The following ARID1B variants were observed in gnomAD, a reference collection of about 807,000 sequenced individuals.
ARID1B encodes the protein AT-rich interaction domain 1B.
ARID1B carries 30 observed loss-of-function variants against 212.3 expected under a neutral mutation model. The observed-to-expected ratio is 0.14, with a 90% CI of 0.11 to 0.19. The LOEUF is 0.19. ARID1B is among the 10% of genes least tolerant of loss of function. The pLI is 1.00. For synonymous variants in ARID1B, 1,402 were observed against 1,301.7 expected (o/e 1.08, Z -1.66); for missense variants, 2,891 against 3,204.0 (o/e 0.90, Z 2.36).
intron 2 of ARID1B, among the ~76,000 whole-genome samples, chr6:156,894,713 A>G (rs1208214603): frequency 6.6e-6 from 1 of 152,234 alleles, no homozygotes; most frequent in Non-Finnish European, 1.5e-5. Flanking sequence ...AGCTATTCAG[A>G]GACACCAGGT....
chr6:156,977,985 GA>G (rs1424980184), intron 4 of ARID1B, among the ~76,000 whole-genome samples: 2 of 152,084 alleles, frequency 1.3e-5, no homozygotes, highest in African/African-American at 4.8e-5. Flanking sequence ...GTGGGAGCAG[GA>G]ACTCTTCTGT....
rs372781930 is a variant in ARID1B, at chr6:156,901,463, C to T, written c.2074C>T (p.His692Tyr). 4 of 1,614,032 alleles carry T rather than the reference C, an allele frequency of 2.5e-6. No individual in the cohort carries two copies. The highest frequency in any genetic ancestry group is 3.4e-6 in the Non-Finnish European group (4 of 1,180,050). The change falls in exon 3 of 20, where the codon CAC becomes TAC. Residue 692 changes from histidine (H) to tyrosine (Y), a missense_variant. Around this residue, in one of 7 missense-constraint regions of ARID1B, gnomAD observed 1,643 missense variants for 1,544.0 expected, o/e 1.06. Transcript: ENST00000636930. ...PYYSQQPQPP[H>Y]LPPQAQYLPS... is the part of the protein sequence containing the mutation. Reference sequence around the variant, plus strand: ...TTACAGCCAGCAGCCGCAGCCCCCGCACCTCCCACCCCAGGCGCAGTATCT... The same window carrying T: ...TTACAGCCAGCAGCCGCAGCCCCCGTACCTCCCACCCCAGGCGCAGTATCT...
At chr6:156,824,624 G>A (rs1316469407) in intron 1 of ARID1B, among the ~76,000 whole-genome samples, 1 of 152,066 alleles carries the variant, frequency 6.6e-6, no homozygotes, top group Non-Finnish European at 1.5e-5. Context: ...AATAAGCTGG[G>A]TGTGGTGGTA....
At chr6:156,890,726 C>T (rs527779929) in intron 2 of ARID1B, among the ~76,000 whole-genome samples, 7 of 152,276 alleles carry the variant, frequency 4.6e-5, no homozygotes, top group Admixed American at 6.5e-5. Context: ...TTTCTCATCC[C>T]GGGTCATCTT....
intron 4 of ARID1B, among the ~76,000 whole-genome samples, chr6:156,944,057 T>G (rs1208724920): frequency 6.6e-6 from 1 of 152,216 alleles, no homozygotes; most frequent in East Asian, 1.9e-4. Context: ...AGCTTCTGTT[T>G]CTTTGAAAAA....
chr6:156,930,208 C>T (rs750782925), intron 3 of ARID1B, among the ~76,000 whole-genome samples: 1 of 152,110 alleles, frequency 6.6e-6, no homozygotes, highest in African/African-American at 2.4e-5. Context: ...ATCATGGGGG[C>T]GGTTTCTCTT....
At chr6:157,085,831 C>T (rs990873351) in intron 5 of ARID1B, among the ~76,000 whole-genome samples, 4 of 152,136 alleles carry the variant, frequency 2.6e-5, no homozygotes, top group African/African-American at 7.2e-5. Flanking sequence ...ATTCACCATC[C>T]GGTTTAAGAA....
chr6:156,839,724 G>C lies in ARID1B; in HGVS notation c.1986+10303G>C, dbSNP rs374403368. Among the ~76,000 whole-genome samples, 25 of 152,316 alleles carry C rather than the reference G, an allele frequency of 1.6e-4. No homozygotes were observed. In the East Asian group the frequency reaches 2.7e-3, roughly 16 times the overall value. ...CACTTCCAGGAATGGCGGTTAAGGG[G>C]TGCTTCACTGCACATACGCAGCAGG... On this transcript the variant is annotated intron_variant, in intron 2 of 19. Transcript: ENST00000636930.
At position 156,779,236 on chromosome 6, in the gene ARID1B, G is replaced by T; in HGVS notation, c.1556G>T (p.Ser519Ile). Residue 519 changes from serine (S) to isoleucine (I), a missense_variant, in exon 1 of 20, where the codon AGC (serine) becomes ATC (isoleucine). By Grantham distance (142) the Ser-to-Ile change is moderately radical. Coordinates refer to ENST00000636930, the MANE Select transcript of ARID1B (RefSeq NM_001374828.1). ...CCCATGATGCGGAGCTACGGCGGCA[G>T]CTACCCCGAGTACAGCAGCCCCAGC... ...PSPMMRSYGG[S>I]YPEYSSPSAP... 8.1e-7 allele frequency: 1 copy of T among 1,231,380 alleles called. No homozygotes were observed. The highest frequency in any genetic ancestry group is 3.1e-5 in the Admixed American group (1 of 31,934). The allele number at this position is 1,231,380 out of a possible 1,614,324, so 76.3% of individuals were successfully genotyped here. A position where few individuals can be genotyped will look rare whatever the true frequency, so the allele number is the denominator to read the frequency against.
chr6:156,781,675 T>C (rs933427759), intron 1 of ARID1B, among the ~76,000 whole-genome samples: 4 of 152,108 alleles, frequency 2.6e-5, no homozygotes, highest in Non-Finnish European at 5.9e-5. Context: ...TTTCTATTCT[T>C]AATAGAAAAC....
chr6:157,001,162 C>T (rs1583115638), intron 4 of ARID1B, among the ~76,000 whole-genome samples: 2 of 152,118 alleles, frequency 1.3e-5, no homozygotes, highest in East Asian at 1.9e-4. Context: ...AGCAAGGAAA[C>T]GGGGTAGGTG....
intron 2 of ARID1B, among the ~76,000 whole-genome samples, chr6:156,869,318 T>C (rs2128140966): frequency 6.6e-6 from 1 of 152,348 alleles, no homozygotes; most frequent in African/African-American, 2.4e-5. Flanking sequence ...TTGGTATAGT[T>C]CATTCATCTT....
At chr6:156,845,997 T>C (rs933756015) in intron 2 of ARID1B, among the ~76,000 whole-genome samples, 2 of 152,316 alleles carry the variant, frequency 1.3e-5, no homozygotes, top group East Asian at 3.9e-4. Flanking sequence ...ATTTTTCTTT[T>C]TTATACCATC....
intron 4 of ARID1B, among the ~76,000 whole-genome samples, chr6:157,053,154 C>T (rs985215306): frequency 2.0e-5 from 3 of 152,076 alleles, no homozygotes; most frequent in East Asian, 3.9e-4. Flanking sequence ...GGCATGATCT[C>T]GGCTCACTGC....
intron 7 of ARID1B, among the ~76,000 whole-genome samples, chr6:157,138,800 G>A (rs115624559): frequency 2.6e-5 from 4 of 152,264 alleles, no homozygotes; most frequent in Admixed American, 1.3e-4. Flanking sequence ...TGGTTAAATC[G>A]ACAGTGCAAA....
chr6:157,090,013 T>C (rs1413844169), intron 5 of ARID1B, among the ~76,000 whole-genome samples: 2 of 152,212 alleles, frequency 1.3e-5, no homozygotes, highest in African/African-American at 4.8e-5. Context: ...TAATGCATGG[T>C]GGAAGCTGAC....
Position 157,095,451 on chromosome 6 carries a change from CTG to C in ARID1B, c.2491+10549_2491+10550del, listed in dbSNP as rs567448490. ...CCTGGGGTACCCAAAAAGGTAGAGA[CTG>C]TGAAAAAGAAATGCAAGAAGAAATG... On this transcript the variant is annotated intron_variant, in intron 5 of 19. Transcript: ENST00000636930. 1.4e-4 allele frequency among the ~76,000 whole-genome samples: 21 copies of C among 152,316 alleles called. No homozygotes were observed. In the South Asian group the frequency reaches 1.4e-3, roughly 11 times the overall value.
chr6:156,799,757 C>T (rs987894745), intron 1 of ARID1B, among the ~76,000 whole-genome samples: 2 of 152,176 alleles, frequency 1.3e-5, no homozygotes, highest in Non-Finnish European at 2.9e-5. Flanking sequence ...GGATTACAGG[C>T]ATGAGCCACC....
Position 157,203,673 on chromosome 6 carries a change from A to G in ARID1B, c.5264-193A>G. The G allele has an allele frequency of 1.4e-6, 1 of 732,032 alleles. No homozygotes were observed. The highest frequency in any genetic ancestry group is 2.7e-5 in the East Asian group (1 of 37,402). 45.3% of individuals were successfully genotyped at this position (732,032 alleles called of 1,614,324 possible). A position where few individuals can be genotyped will look rare whatever the true frequency, so the allele number is the denominator to read the frequency against. On this transcript the variant is annotated intron_variant, in intron 18 of 19. Transcript: ENST00000636930. This position sits in a 1 kb window ranked among gnomAD's most constrained non-coding sequence, Gnocchi z 4.4. ...CCAACAAAGCGAGATCTGAAACCAC[A>G]AAAGTTTCTCGTTACAGCTATGGCC...
Sources: gnomAD v4.1 joint callset for allele counts (sites outside exome capture counted in the v4.1 genomes callset) on GRCh38, gnomAD v4.1.1 for gene constraint, gnomAD v4.1.1 regional missense constraint, Gnocchi (gnomAD v3.1) non-coding constraint, MANE v1.5 for transcripts, NCBI Gene and HGNC (gene_info 2026-07-23, HGNC 2026-07-21) for gene names.